The following ATG10 variants were observed in gnomAD, a reference collection of about 807,000 sequenced individuals.
ATG10 encodes the protein ubiquitin-like-conjugating enzyme ATG10.
In ATG10, 30 loss-of-function variants were observed where a neutral mutation model predicts 32.1. The ratio of observed to expected loss-of-function variants is 0.94; its 90% CI spans 0.70 to 1.27. The LOEUF (loss-of-function observed/expected upper bound fraction) is 1.27, where lower values mean the gene tolerates loss of function less well. Ranked by LOEUF, ATG10 falls within the 50% of genes most tolerant of loss-of-function variation. ATG10 has a pLI of 0.00. For missense variants in ATG10, 233 were observed against 262.3 expected (o/e 0.89, Z 0.77); for synonymous variants, 87 against 91.5 (o/e 0.95, Z 0.28).
chr5:82,046,997 A>T lies in ATG10; in HGVS notation c.109-11498A>T, dbSNP rs561283464. Among the ~76,000 whole-genome samples the T allele has an allele frequency of 2.1e-3, 311 of 148,872 alleles. 1 individual carries two copies. Among genetic ancestry groups the T allele is most frequent in the Admixed American group, 4.8e-3 (72 of 15,056 alleles). ...GTCATCTGTGTTTTTTTTTTTTTTT[A>T]AATTTTATCTACAGTATTGGAAAAG... On this transcript the variant is annotated intron_variant, in intron 2 of 7. Coordinates refer to ENST00000282185, the MANE Select transcript of ATG10 (RefSeq NM_031482.5).
chr5:82,206,986 T>C (rs1196164370), intron 5 of ATG10, among the ~76,000 whole-genome samples: 1 of 152,228 alleles, frequency 6.6e-6, no homozygotes, highest in East Asian at 1.9e-4. Flanking sequence ...CATTAATTTT[T>C]ATTGCTATAA....
intron 2 of ATG10, among the ~76,000 whole-genome samples, chr5:81,999,845 G>C (rs9885354): frequency 0.54 from 81,391 of 151,856 alleles, 22,748 homozygotes; most frequent in South Asian, 0.76. Context: ...GGAAGAAATT[G>C]AACAGATCAA....
rs989201382 is a variant in ATG10, at chr5:82,118,224, A to T, written c.217-46175A>T. ...ATTACATGTGTAATTAATAGAAAAAATTAATTACACGTGTAATTATTTAAT... is the reference window on the plus strand; with the variant it reads ...ATTACATGTGTAATTAATAGAAAAATTTAATTACACGTGTAATTATTTAAT... On this transcript the variant is annotated intron_variant, in intron 3 of 7. Transcript: ENST00000282185. Among the ~76,000 whole-genome samples, 11 of 150,694 alleles carry T rather than the reference A, an allele frequency of 7.3e-5. 1 individual carries two copies. Among genetic ancestry groups the T allele is most frequent in the Admixed American group, 4.6e-4 (7 of 15,080 alleles).
At chr5:82,009,796 T>A in intron 2 of ATG10, 2 of 1,607,418 alleles carry the variant, frequency 1.2e-6, no homozygotes, top group Non-Finnish European at 1.7e-6. Flanking sequence ...GCATTTGCCA[T>A]GGACAAGATG....
intron 3 of ATG10, among the ~76,000 whole-genome samples, chr5:82,135,320 G>A (rs1766681316): frequency 6.6e-6 from 1 of 152,108 alleles, no homozygotes. Context: ...TGATGTTAAG[G>A]TGTCAATTTT....
intron 5 of ATG10, among the ~76,000 whole-genome samples, chr5:82,242,306 C>A (rs148847218): frequency 6.6e-6 from 1 of 151,816 alleles, no homozygotes; most frequent in Non-Finnish European, 1.5e-5. Context: ...TGAGAAGAAT[C>A]TGAAGAATTG....
intron 2 of ATG10, among the ~76,000 whole-genome samples, chr5:82,038,186 A>G (rs1227742260): frequency 6.6e-6 from 1 of 152,232 alleles, no homozygotes; most frequent in African/African-American, 2.4e-5. Flanking sequence ...AGTAAAGCAG[A>G]GGAGGAAGAG....
intron 5 of ATG10, among the ~76,000 whole-genome samples, chr5:82,210,156 G>A (rs546850458): frequency 6.6e-6 from 1 of 152,166 alleles, no homozygotes; most frequent in East Asian, 1.9e-4. Context: ...TTTCTCTTGG[G>A]TTTTGGTCAA....
At chr5:82,061,773 T>A (rs986117892) in intron 3 of ATG10, among the ~76,000 whole-genome samples, 1 of 85,708 alleles carries the variant, frequency 1.2e-5, no homozygotes, top group Non-Finnish European at 2.6e-5. Flanking sequence ...TATATATACA[T>A]GTACACATAT....
intron 2 of ATG10, among the ~76,000 whole-genome samples, chr5:82,046,739 A>T (rs1763247429): frequency 6.6e-6 from 1 of 152,208 alleles, no homozygotes; most frequent in Non-Finnish European, 1.5e-5. Context: ...ACTGCTTTGC[A>T]AGGATAGTGC....
intron 5 of ATG10, among the ~76,000 whole-genome samples, chr5:82,249,386 C>T (rs1212753561): frequency 6.6e-6 from 1 of 152,184 alleles, no homozygotes; most frequent in Non-Finnish European, 1.5e-5. Flanking sequence ...ACTTAATTTA[C>T]AGGAACGTCC....
At chr5:82,075,885 A>C (rs1764258856) in intron 3 of ATG10, among the ~76,000 whole-genome samples, 1 of 152,174 alleles carries the variant, frequency 6.6e-6, no homozygotes, top group Admixed American at 6.6e-5. Flanking sequence ...CAGTGAGCTG[A>C]GATCACACCA....
chr5:82,144,149 T>A (rs911036762), intron 3 of ATG10, among the ~76,000 whole-genome samples: 1 of 152,172 alleles, frequency 6.6e-6, no homozygotes, highest in African/African-American at 2.4e-5. Flanking sequence ...ATCCTTTTAG[T>A]GTTTATAGCA....
At chr5:81,997,396 C>A (rs1488356221) in intron 2 of ATG10, among the ~76,000 whole-genome samples, 1 of 152,104 alleles carries the variant, frequency 6.6e-6, no homozygotes, top group Non-Finnish European at 1.5e-5. Flanking sequence ...AGCCTTGGCC[C>A]CCTAAAATCT....
At chr5:82,046,884 A>G (rs1023328311) in intron 2 of ATG10, among the ~76,000 whole-genome samples, 12 of 152,112 alleles carry the variant, frequency 7.9e-5, no homozygotes, top group Admixed American at 5.2e-4. Flanking sequence ...AAAATAGCCA[A>G]TGGTTCAAAA....
At chr5:82,078,122 A>G (rs953077484) in intron 3 of ATG10, among the ~76,000 whole-genome samples, 15 of 152,162 alleles carry the variant, frequency 9.9e-5, no homozygotes, top group Non-Finnish European at 1.5e-4. Context: ...TATGATTTAT[A>G]TTTTACAGAG....
At chr5:82,048,073 C>A (rs2149736325) in intron 2 of ATG10, among the ~76,000 whole-genome samples, 2 of 139,344 alleles carry the variant, frequency 1.4e-5, no homozygotes, top group East Asian at 2.0e-4. Flanking sequence ...TTCCATTGAT[C>A]TATATCTCTG....
chr5:82,119,983 ATTGT>A (rs1370579253), intron 3 of ATG10, among the ~76,000 whole-genome samples: 1 of 116,874 alleles, frequency 8.6e-6, no homozygotes. Context: ...TCCACCATTT[ATTGT>A]GTGTGTGTGT....
chr5:82,132,222 T>C (rs1766567748), intron 3 of ATG10, among the ~76,000 whole-genome samples: 2 of 152,078 alleles, frequency 1.3e-5, no homozygotes. Context: ...TTGGCACTCA[T>C]TGAAAGTTAA....
Sources: allele counts gnomAD v4.1 joint callset (sites outside exome capture counted in the v4.1 genomes callset), GRCh38; gene constraint gnomAD v4.1.1; transcripts MANE v1.5; gene names NCBI Gene and HGNC (gene_info 2026-07-23, HGNC 2026-07-21).